GPRIN3: variants seen among roughly 807,000 people sequenced by gnomAD.
The protein encoded by GPRIN3 is G protein-regulated inducer of neurite outgrowth 3.
In GPRIN3, 12 loss-of-function variants were observed where a neutral mutation model predicts 13.7. That is an observed-to-expected ratio of 0.87 (90% CI 0.56 to 1.42). GPRIN3 has a LOEUF of 1.42. Among genes scored for constraint, GPRIN3 ranks in the 40% most tolerant of loss-of-function variants. The pLI, the probability that GPRIN3 is intolerant of heterozygous loss-of-function variation, is 0.00. For missense variants in GPRIN3, 1,009 were observed against 958.7 expected (o/e 1.05, Z -0.69); for synonymous variants, 377 against 372.7 (o/e 1.01, Z -0.13).
intron 1 of GPRIN3, among the ~76,000 whole-genome samples, chr4:89,299,837 T>C (rs1338234531): frequency 6.6e-6 from 1 of 152,210 alleles, no homozygotes; most frequent in Non-Finnish European, 1.5e-5. Flanking sequence ...AAGTTTGGTC[T>C]ATGTGTAAAA....
Position 89,254,128 on chromosome 4 carries a change from G to GGTGTGTGT in GPRIN3, c.-123-3903_-123-3896dup, listed in dbSNP as rs57642647. ...TCTACAGAAGGGTGTGTTGCATCTGGGTGTGTGTGTGTGTGTGTGTGTGGA... is the reference window on the plus strand; with the variant it reads ...TCTACAGAAGGGTGTGTTGCATCTGGGTGTGTGTGTGTGTGTGTGTGTGTGTGTGTGGA... On this transcript the variant is annotated intron_variant, in intron 1 of 1. Coordinates refer to ENST00000609438, the MANE Select transcript of GPRIN3 (RefSeq NM_198281.3). 6.3e-3 allele frequency among the ~76,000 whole-genome samples: 938 copies of GGTGTGTGT among 147,744 alleles called. 11 individuals are homozygous for GGTGTGTGT. Among genetic ancestry groups the GGTGTGTGT allele is most frequent in the African/African-American group, 0.02 (810 of 40,074 alleles).
At chr4:89,268,919 G>A (rs747023775) in intron 1 of GPRIN3, among the ~76,000 whole-genome samples, 11 of 152,236 alleles carry the variant, frequency 7.2e-5, no homozygotes, top group Non-Finnish European at 5.9e-5. Context: ...GGCTATGAAA[G>A]CAAGAAAAAT....
At chr4:89,306,391 C>T (rs913118787) in intron 1 of GPRIN3, among the ~76,000 whole-genome samples, 2 of 152,166 alleles carry the variant, frequency 1.3e-5, no homozygotes, top group South Asian at 2.1e-4. Flanking sequence ...AAAGCCCACG[C>T]AGGAGATGTG....
intron 1 of GPRIN3, among the ~76,000 whole-genome samples, chr4:89,278,276 T>C (rs1019442815): frequency 6.6e-6 from 1 of 152,202 alleles, no homozygotes; most frequent in African/African-American, 2.4e-5. Flanking sequence ...CAAAAAATTT[T>C]CAAAAATCTC....
rs1159659971 is a variant in GPRIN3 at position 89,244,060 on chromosome 4, C to T, written c.*3720G>A. The T allele has an allele frequency of 6.6e-6, 1 of 152,140 alleles. No individual in the cohort carries two copies. Among genetic ancestry groups the T allele is most frequent in the Non-Finnish European group, 1.5e-5 (1 of 68,028 alleles). 9.4% of individuals were successfully genotyped at this position (152,140 alleles called of 1,614,324 possible). A position where few individuals can be genotyped will look rare whatever the true frequency, so the allele number is the denominator to read the frequency against. ...AAACACATTTTAAAGTAACATCATA[C>T]TCTGTTCTTGGTATGCTATATATAG... is the stretch of plus-strand genomic sequence containing the variant. On this transcript the variant is annotated 3_prime_UTR_variant, in exon 2 of 2. Transcript: ENST00000609438.
intron 1 of GPRIN3, among the ~76,000 whole-genome samples, chr4:89,275,544 AACAGATTCCCTG>A (rs1724069007): frequency 6.6e-6 from 1 of 152,184 alleles, no homozygotes; most frequent in African/African-American, 2.4e-5. Flanking sequence ...CTTTCTTCAG[AACAGATTCCCTG>A]ACAGTCGGGT....
chr4:89,284,262 A>G (rs1724338771), intron 1 of GPRIN3, among the ~76,000 whole-genome samples: 1 of 152,214 alleles, frequency 6.6e-6, no homozygotes, highest in Non-Finnish European at 1.5e-5. Context: ...CAGAGACAGG[A>G]GGCTGAAGAC....
intron 1 of GPRIN3, among the ~76,000 whole-genome samples, chr4:89,301,344 C>T (rs915407363): frequency 6.6e-5 from 10 of 152,182 alleles, no homozygotes; most frequent in African/African-American, 1.9e-4. Context: ...ATGTTATATT[C>T]AGCATATCTG....
intron 1 of GPRIN3, among the ~76,000 whole-genome samples, chr4:89,290,790 T>C (rs1724550020): frequency 6.6e-6 from 1 of 152,122 alleles, no homozygotes; most frequent in African/African-American, 2.4e-5. Context: ...ATAAACAATA[T>C]TGGAATAAAT....
chr4:89,291,903 A>G (rs1209436275), intron 1 of GPRIN3, among the ~76,000 whole-genome samples: 4 of 142,566 alleles, frequency 2.8e-5, no homozygotes, highest in African/African-American at 1.1e-4. Context: ...TCATCTTTTT[A>G]GAACCAAAAT....
intron 1 of GPRIN3, among the ~76,000 whole-genome samples, chr4:89,254,820 G>T (rs1049353740): frequency 7.2e-5 from 11 of 151,872 alleles, no homozygotes; most frequent in African/African-American, 2.7e-4. Flanking sequence ...CCACAATGAT[G>T]GAACTCTTTC....
intron 1 of GPRIN3, among the ~76,000 whole-genome samples, chr4:89,270,117 G>A (rs866577405): frequency 6.6e-6 from 1 of 152,134 alleles, no homozygotes; most frequent in Non-Finnish European, 1.5e-5. Context: ...AAAGTATAAA[G>A]AAAGTGACAA....
chr4:89,268,134 A>G (rs191387248), intron 1 of GPRIN3, among the ~76,000 whole-genome samples: 278 of 152,314 alleles, frequency 1.8e-3, no homozygotes, highest in Non-Finnish European at 2.7e-3. Context: ...CCAACAGACC[A>G]GTGAAACAAT....
In GPRIN3 at chr4:89,248,078, G is replaced by A. The variant is rs1382885430; in HGVS notation, c.2033C>T (p.Ser678Phe). Residue 678 changes from serine to phenylalanine, a missense_variant, in exon 2 of 2, where the codon TCC (serine) becomes TTC (phenylalanine). Ser to Phe is a radical substitution (Grantham distance 155). Coordinates refer to ENST00000609438, the MANE Select transcript of GPRIN3 (RefSeq NM_198281.3). ...GADSKLQLKQ[S>F]KRVRDVVWDE... ...CCACACGACGTCCCTGACACGCTTG[G>A]ACTGTTTCAGCTGGAGCTTGGAGTC... The A allele has an allele frequency of 5.0e-6, 8 of 1,614,120 alleles. No homozygotes were observed. The highest frequency in any genetic ancestry group is 6.8e-6 in the Non-Finnish European group (8 of 1,180,004).
At position 89,248,486 on chromosome 4, in the gene GPRIN3, G is replaced by C. The variant is rs964871583; in HGVS notation, c.1625C>G (p.Ser542Cys). The C allele has an allele frequency of 1.2e-6, 2 of 1,612,500 alleles. No homozygotes were observed. Among genetic ancestry groups the C allele is most frequent in the African/African-American group, 2.7e-5 (2 of 74,724 alleles). The change falls in exon 2 of 2, where the codon TCT (serine) becomes TGT (cysteine). Residue 542 changes from serine (S) to cysteine (C), a missense_variant. Transcript: ENST00000609438. ...CTCTTTTTCTTTTACTACCTGAGGA[G>C]ATGCAGGCTTCTTTTCCCTTGCATC... ...KGDAREKKPA[S>C]PQVVKEKEST...
In GPRIN3 at chr4:89,253,765, A is replaced by G. The variant is rs80263366; in HGVS notation, c.-123-3532T>C. On this transcript the variant is annotated intron_variant, in intron 1 of 1. Coordinates refer to ENST00000609438, the MANE Select transcript of GPRIN3 (RefSeq NM_198281.3). ...GAAGAAAAGCCCAAATTGCTTGGCTAAGACCTAGCACTTGAAATCTCTGTA... is the reference window on the plus strand; with the variant it reads ...GAAGAAAAGCCCAAATTGCTTGGCTGAGACCTAGCACTTGAAATCTCTGTA... Among the ~76,000 whole-genome samples, 141 of 152,332 alleles carry G rather than the reference A, an allele frequency of 9.3e-4. 1 individual carries two copies. Among genetic ancestry groups the G allele is most frequent in the African/African-American group, 3.3e-3 (136 of 41,570 alleles).
intron 1 of GPRIN3, among the ~76,000 whole-genome samples, chr4:89,284,244 G>T (rs959597609): frequency 2.6e-5 from 4 of 152,144 alleles, no homozygotes; most frequent in Non-Finnish European, 4.4e-5. Context: ...GCAAATGAAC[G>T]GCATGAACAG....
Position 89,271,596 on chromosome 4 carries a change from T to C in GPRIN3, c.-123-21363A>G, listed in dbSNP as rs1723952998. 5.3e-5 allele frequency among the ~76,000 whole-genome samples: 8 copies of C among 152,312 alleles called. No individual in the cohort carries two copies. In the South Asian group the frequency reaches 1.7e-3, roughly 32 times the overall value. ...CTTGTATTTTTTATTATTGTATTGC[T>C]ATTTTTTATTGTTTTCTTGAGGAAT... On this transcript the variant is annotated intron_variant, in intron 1 of 1. Transcript: ENST00000609438.
At chr4:89,267,092 A>G (rs983808661) in intron 1 of GPRIN3, among the ~76,000 whole-genome samples, 4 of 152,136 alleles carry the variant, frequency 2.6e-5, no homozygotes, top group African/African-American at 4.8e-5. Context: ...GTATTTGAAA[A>G]ACTCTGGAAA....
Sources: allele counts gnomAD v4.1 joint callset (sites outside exome capture counted in the v4.1 genomes callset), GRCh38; gene constraint gnomAD v4.1.1; transcripts MANE v1.5; gene names NCBI Gene and HGNC (gene_info 2026-07-23, HGNC 2026-07-21).